Variants in EEF2KMT observed in about 807,000 individuals in gnomAD.
The protein encoded by EEF2KMT is protein-lysine N-methyltransferase EEF2KMT.
In EEF2KMT, 30 loss-of-function variants were observed where a neutral mutation model predicts 35.1. The observed-to-expected ratio is 0.85, with a 90% CI of 0.64 to 1.16. EEF2KMT has a LOEUF of 1.16. EEF2KMT is among the 50% of genes most tolerant of loss of function. The pLI, the probability that EEF2KMT is intolerant of heterozygous loss-of-function variation, is 0.00. For missense variants in EEF2KMT, 499 were observed against 438.2 expected (o/e 1.14, Z -1.24); for synonymous variants, 190 against 187.7 (o/e 1.01, Z -0.10).
chr16:5,092,790 CTG>C, intron 3 of EEF2KMT, among the ~76,000 whole-genome samples: 1 of 152,246 alleles, frequency 6.6e-6, no homozygotes, highest in African/African-American at 2.4e-5. Flanking sequence ...TGGTGAAACT[CTG>C]TCTCTATTAA....
Position 5,097,688 on chromosome 16 carries a change from G to T in EEF2KMT, c.52C>A (p.Arg18Ser). ...GTELLLQSFERRFLAARTLRS... is the reference protein window; with the variant it reads ...GTELLLQSFESRFLAARTLRS... ...AGTGTGCGTGCCGCCAGGAAGCGGC[G>T]CTCGAAACTCTGCAGCAAGAGTTCG... Residue 18 changes from arginine (R) to serine (S), a missense_variant, in exon 1 of 8, where the codon CGC (arginine) becomes AGC (serine). Coordinates refer to ENST00000427587, the MANE Select transcript of EEF2KMT (RefSeq NM_201400.4). 1 of 1,580,818 alleles carries T rather than the reference G, an allele frequency of 6.3e-7. No individual in the cohort carries two copies. Among genetic ancestry groups the T allele is most frequent in the South Asian group, 1.1e-5 (1 of 87,336 alleles).
At chr16:5,097,236 G>T in intron 1 of EEF2KMT, 1 of 1,244,992 alleles carries the variant, frequency 8.0e-7, no homozygotes, top group Non-Finnish European at 1.0e-6. Context: ...AGGCACGAGG[G>T]ACAGCCTGTG....
In EEF2KMT at chr16:5,090,692, A is replaced by G; in HGVS notation, c.343-127T>C. ...CAATCGCCACTCAGCAATGAGAAGC[A>G]GCTAACTGTTGGCATGCCAACAGCT... On this transcript the variant is annotated intron_variant, in intron 4 of 7. Coordinates refer to ENST00000427587, the MANE Select transcript of EEF2KMT (RefSeq NM_201400.4). The surrounding 1 kb of genome is among the most constrained non-coding windows in gnomAD (Gnocchi z 4.1). The G allele has an allele frequency of 7.6e-7, 1 of 1,313,766 alleles. No homozygotes were observed. The highest frequency in any genetic ancestry group is 1.1e-6 in the Non-Finnish European group (1 of 947,632). The allele number at this position is 1,313,766 out of a possible 1,614,324, so 81.4% of individuals were successfully genotyped here. A position where few individuals can be genotyped will look rare whatever the true frequency, so the allele number is the denominator to read the frequency against.
In EEF2KMT at chr16:5,085,627, G is replaced by A. The variant is rs373657874; in HGVS notation, c.*5C>T. ...TCACAATCCCGTTGGAGTCGTGTGT[G>A]AGTCCTACAGGGTGAGATTCAGCAT... On this transcript the variant is annotated 3_prime_UTR_variant, in exon 8 of 8. Transcript: ENST00000427587. 2 of 1,587,710 alleles carry A rather than the reference G, an allele frequency of 1.3e-6. No individual in the cohort carries two copies. Among genetic ancestry groups the A allele is most frequent in the African/African-American group, 2.7e-5 (2 of 74,348 alleles).
chr16:5,095,515 C>G lies in EEF2KMT; in HGVS notation c.97-1G>C, dbSNP rs369661556. On this transcript the variant is annotated splice_acceptor_variant, in intron 1 of 7. Transcript: ENST00000427587. LOFTEE classifies it high-confidence loss of function. ...AGTCTCTTAACTTTGCTTCTAAGCTCTGTGTGGAGGGGAAAGAGAGAAATC... is the reference window on the plus strand; with the variant it reads ...AGTCTCTTAACTTTGCTTCTAAGCTGTGTGTGGAGGGGAAAGAGAGAAATC... The G allele has an allele frequency of 9.4e-5, 151 of 1,611,510 alleles. No homozygotes were observed. Among genetic ancestry groups the G allele is most frequent in the Non-Finnish European group, 1.2e-4 (137 of 1,179,528 alleles).
rs554392935 is a variant in EEF2KMT at position 5,085,400 on chromosome 16, A to G, written c.*232T>C. 650 of 560,690 alleles carry G rather than the reference A, an allele frequency of 1.2e-3. 4 individuals carry two copies. Among genetic ancestry groups the G allele is most frequent in the Non-Finnish European group, 1.5e-3 (465 of 304,384 alleles). The allele number at this position is 560,690 out of a possible 1,614,324, so 34.7% of individuals were successfully genotyped here. A position where few individuals can be genotyped will look rare whatever the true frequency, so the allele number is the denominator to read the frequency against. On this transcript the variant is annotated 3_prime_UTR_variant, in exon 8 of 8. Transcript: ENST00000427587. ...TGCTATTTTTGGAGCCAGAATTTTC[A>G]TGTCTGATTTATGGTGATTTTCTTA...
At chr16:5,087,253 A>G (rs1192668991) in intron 7 of EEF2KMT, 1 of 152,238 alleles carries the variant, frequency 6.6e-6, no homozygotes, top group Non-Finnish European at 1.5e-5. Flanking sequence ...GTACTGTTTG[A>G]AGAAAGTTTA....
Position 5,084,917 on chromosome 16 carries a change from C to A in EEF2KMT, c.*715G>T. 6.3e-7 allele frequency: 1 copy of A among 1,596,416 alleles called. No individual in the cohort carries two copies. The highest frequency in any genetic ancestry group is 8.5e-7 in the Non-Finnish European group (1 of 1,179,746). On this transcript the variant is annotated 3_prime_UTR_variant, in exon 8 of 8. Transcript: ENST00000427587. Reference sequence around the variant, plus strand: ...AGAGGCTAAAACCCCAGGACCCCTGCTGTCCTTCCCGCAGCTTCTTCTTGG... The same window carrying A: ...AGAGGCTAAAACCCCAGGACCCCTGATGTCCTTCCCGCAGCTTCTTCTTGG...
chr16:5,097,646 G>A lies in EEF2KMT; in HGVS notation c.94C>T (p.Gln32Ter), dbSNP rs1447892736. ...AARTLRSFPWQSLEAKLRDSS... is the reference protein window; with the variant it reads ...AARTLRSFPW ...TCTCCGCTCGCCCCGCCGCCCACCT[G>A]CCAGGGGAAGGAGCGCAGTGTGCGT... The change falls in exon 1 of 8, where the codon CAG becomes TAG. Residue 32 changes from glutamine (Q) to a stop codon, truncating the protein, a stop_gained and splice_region_variant. Coordinates refer to ENST00000427587, the MANE Select transcript of EEF2KMT (RefSeq NM_201400.4). LOFTEE classifies it high-confidence loss of function. 9 of 1,566,290 alleles carry A rather than the reference G, an allele frequency of 5.7e-6. No individual in the cohort carries two copies. In the Admixed American group the frequency reaches 1.5e-4, roughly 26 times the overall value.
chr16:5,090,382 T>C lies in EEF2KMT; in HGVS notation c.477-33A>G. ...GAGGAAAGGGGACCGTGTCTGCGAC[T>C]GCACCAGGGTAAGCCTGCCTCGGTG... On this transcript the variant is annotated intron_variant, in intron 5 of 7. Coordinates refer to ENST00000427587, the MANE Select transcript of EEF2KMT (RefSeq NM_201400.4). This position sits in a 1 kb window ranked among gnomAD's most constrained non-coding sequence, Gnocchi z 4.1. 2 of 1,612,028 alleles carry C rather than the reference T, an allele frequency of 1.2e-6. No individual in the cohort carries two copies. Among genetic ancestry groups the C allele is most frequent in the Non-Finnish European group, 1.7e-6 (2 of 1,179,850 alleles).
Position 5,092,028 on chromosome 16 carries a change from T to C in EEF2KMT, c.241-133A>G, listed in dbSNP as rs556498928. ...TACCGGCCAGCTGCCATATAAAATA[T>C]TCACTTCGTTGGGCTTGGTGGTGTG... On this transcript the variant is annotated intron_variant, in intron 3 of 7. Transcript: ENST00000427587. 44 of 1,503,162 alleles carry C rather than the reference T, an allele frequency of 2.9e-5. No individual in the cohort carries two copies. The African/African-American group carries it at 4.9e-4, about 17-fold the overall frequency. 93.1% of individuals were successfully genotyped at this position (1,503,162 alleles called of 1,614,324 possible). A position where few individuals can be genotyped will look rare whatever the true frequency, so the allele number is the denominator to read the frequency against.
intron 7 of EEF2KMT, chr16:5,086,451 TC>T (rs1303162479): frequency 1.3e-5 from 2 of 152,082 alleles, no homozygotes; most frequent in Non-Finnish European, 2.9e-5. Context: ...CCAGAATGAT[TC>T]TTTTTTTTTG....
At chr16:5,092,210 G>A (rs7404497) in intron 3 of EEF2KMT, among the ~76,000 whole-genome samples, 47,054 of 151,956 alleles carry the variant, frequency 0.31, 7,377 homozygotes, top group Middle Eastern at 0.45. Context: ...AGAGGTGTTG[G>A]GAGGGTAGGG....
rs1477886560 is a variant in EEF2KMT at position 5,090,045 on chromosome 16, G to A, written c.742+39C>T. The A allele has an allele frequency of 6.3e-7, 1 of 1,598,760 alleles. No homozygotes were observed. The highest frequency in any genetic ancestry group is 8.5e-7 in the Non-Finnish European group (1 of 1,179,690). On this transcript the variant is annotated intron_variant, in intron 6 of 7. Transcript: ENST00000427587. The surrounding 1 kb of genome is among the most constrained non-coding windows in gnomAD (Gnocchi z 4.1). ...AGCCAAGAGCTGGGTAGAGCTGCAA[G>A]GACACCACCTGCACAGGGTGCCCGG...
intron 7 of EEF2KMT, chr16:5,087,466 G>A (rs1460314780): frequency 6.6e-6 from 1 of 152,146 alleles, no homozygotes; most frequent in African/African-American, 2.4e-5. Context: ...GGGAATATAG[G>A]TACTCATAAC....
Position 5,090,160 on chromosome 16 carries a change from T to G in EEF2KMT, c.666A>C (p.Thr222=). 1 of 1,611,504 alleles carries G rather than the reference T, an allele frequency of 6.2e-7. No homozygotes were observed. Among genetic ancestry groups the G allele is most frequent in the Non-Finnish European group, 8.5e-7 (1 of 1,179,856 alleles). The part of the protein sequence containing the change: ...ITAKLDSPRV[T]VAQLDWDVAT... ...CGACGTCCCAGTCCAGCTGGGCCAC[T>G]GTCACCCTGGGGCTGTCTAACTTGG... Residue 222 remains threonine, a synonymous_variant, in exon 6 of 8, where the codon ACA becomes ACC. Coordinates refer to ENST00000427587, the MANE Select transcript of EEF2KMT (RefSeq NM_201400.4). The surrounding 1 kb of genome is among the most constrained non-coding windows in gnomAD (Gnocchi z 4.1).
chr16:5,085,919 T>G (rs1435049865), intron 7 of EEF2KMT, among the ~76,000 whole-genome samples, 187 bp from the exon 8 acceptor site: 2 of 152,132 alleles, frequency 1.3e-5, no homozygotes, highest in African/African-American at 4.8e-5. Flanking sequence ...AGAAAGCTGG[T>G]TTTGCATAGA....
chr16:5,092,016 C>A, intron 3 of EEF2KMT, 121 bp from the exon 4 acceptor site: 1 of 1,522,764 alleles, frequency 6.6e-7, no homozygotes, highest in Non-Finnish European at 8.9e-7. Flanking sequence ...CGGCCAGCTG[C>A]CATATAAAAT....
Position 5,085,315 on chromosome 16 carries a change from T to G in EEF2KMT, c.*317A>C. The stretch of plus-strand genomic sequence containing the variant: ...GGGCTTGGCTTTGTGAGGAACTGAG[T>G]GTGTCCACGTTGGGGGAACATCATA... On this transcript the variant is annotated 3_prime_UTR_variant, in exon 8 of 8. Transcript: ENST00000427587. 2.0e-6 allele frequency: 1 copy of G among 490,970 alleles called. No individual in the cohort carries two copies. The highest frequency in any genetic ancestry group is 2.1e-5 in the South Asian group (1 of 46,940). The allele number at this position is 490,970 out of a possible 1,614,324, so 30.4% of individuals were successfully genotyped here. A position where few individuals can be genotyped will look rare whatever the true frequency, so the allele number is the denominator to read the frequency against.
Sources: gnomAD v4.1 joint callset for allele counts (sites outside exome capture counted in the v4.1 genomes callset) on GRCh38, gnomAD v4.1.1 for gene constraint, Gnocchi (gnomAD v3.1) non-coding constraint, MANE v1.5 for transcripts, NCBI Gene and HGNC (gene_info 2026-07-23, HGNC 2026-07-21) for gene names.